Variants in PARD3 observed in about 807,000 individuals in gnomAD.
The protein encoded by PARD3 is par-3 family cell polarity regulator, also known as partitioning defective 3 homolog.
In PARD3, 75 loss-of-function variants were observed where a neutral mutation model predicts 155.4. The ratio of observed to expected loss-of-function variants is 0.48; its 90% confidence interval spans 0.40 to 0.58. PARD3 has a LOEUF of 0.58. Ranked by LOEUF, PARD3 falls within the 20% of genes least tolerant of loss-of-function variation. PARD3 has a pLI of 0.00. For missense variants in PARD3, 1,642 were observed against 1,721.7 expected, an observed-to-expected ratio of 0.95 and a Z score of 0.82; for synonymous variants, 576 against 610.5, an observed-to-expected ratio of 0.94 and a Z score of 0.83.
chr10:34,605,555 A>ATATATC (rs1363176612), intron 2 of PARD3, among the ~76,000 whole-genome samples: 1 of 70,006 alleles, frequency 1.4e-5, no homozygotes, highest in Non-Finnish European at 2.3e-5. Flanking sequence ...ATATATATAT[A>ATATATC]TCTCCTATAT....
At chr10:34,598,432 T>G (rs969802294) in intron 2 of PARD3, among the ~76,000 whole-genome samples, 3 of 152,236 alleles carry the variant, frequency 2.0e-5, no homozygotes, top group Non-Finnish European at 2.9e-5. Context: ...CACCCTTGAC[T>G]TATATATCTT....
At chr10:34,309,896 CA>C (rs552115285) in intron 20 of PARD3, among the ~76,000 whole-genome samples, 1,105 of 95,566 alleles carry the variant, frequency 0.012, 9 homozygotes, top group African/African-American at 0.05. Flanking sequence ...ATCAACCATC[CA>C]AAAAAAAAAA....
intron 2 of PARD3, among the ~76,000 whole-genome samples, chr10:34,642,082 C>A (rs1468694820): frequency 2.0e-5 from 3 of 152,044 alleles, no homozygotes. Context: ...TCACCTGGGG[C>A]CCCTCGCCCT....
intron 19 of PARD3, among the ~76,000 whole-genome samples, chr10:34,321,637 T>C (rs562451289): frequency 6.6e-6 from 1 of 152,356 alleles, no homozygotes; most frequent in African/African-American, 2.4e-5. Context: ...TATTTCTCTT[T>C]AATGTGGCAG....
At chr10:34,494,950 C>T (rs371973639) in intron 3 of PARD3, among the ~76,000 whole-genome samples, 11 of 152,182 alleles carry the variant, frequency 7.2e-5, no homozygotes, top group African/African-American at 2.4e-4. Context: ...TCAGGGAAGA[C>T]CAAGCTCATG....
chr10:34,614,497 C>T (rs2091122198), intron 2 of PARD3, among the ~76,000 whole-genome samples: 1 of 152,176 alleles, frequency 6.6e-6, no homozygotes, highest in Non-Finnish European at 1.5e-5. Flanking sequence ...AACAAGTTAT[C>T]TCATTGGACC....
chr10:34,528,386 C>A (rs1457998591), intron 2 of PARD3, among the ~76,000 whole-genome samples: 1 of 152,156 alleles, frequency 6.6e-6, no homozygotes, highest in African/African-American at 2.4e-5. Flanking sequence ...CTTTATCCTG[C>A]GGTTTGCCAG....
At chr10:34,791,365 C>T (rs1181544911) in intron 1 of PARD3, among the ~76,000 whole-genome samples, 1 of 152,170 alleles carries the variant, frequency 6.6e-6, no homozygotes, top group African/African-American at 2.4e-5. Context: ...GGCTCCAAAG[C>T]TCCCCAGCAT....
intron 2 of PARD3, among the ~76,000 whole-genome samples, chr10:34,529,103 C>T (rs997580430): frequency 1.3e-5 from 2 of 152,136 alleles, no homozygotes; most frequent in African/African-American, 4.8e-5. Context: ...TCAGCCAGTT[C>T]CTGGGACACA....
intron 2 of PARD3, among the ~76,000 whole-genome samples, chr10:34,689,589 C>A (rs950899006): frequency 2.6e-5 from 4 of 152,114 alleles, no homozygotes; most frequent in African/African-American, 4.8e-5. Context: ...ATAAAATTGT[C>A]TAAAGTGTTA....
chr10:34,425,084 C>T (rs921370848), intron 5 of PARD3, among the ~76,000 whole-genome samples: 1 of 151,994 alleles, frequency 6.6e-6, no homozygotes, highest in African/African-American at 2.4e-5. Flanking sequence ...TGACCAAGAC[C>T]ACTTTTTTTT....
At chr10:34,424,481 A>G (rs1005864520) in intron 5 of PARD3, among the ~76,000 whole-genome samples, 6 of 152,156 alleles carry the variant, frequency 3.9e-5, no homozygotes, top group African/African-American at 1.4e-4. Context: ...TTAGTAATTC[A>G]AGTAATCAAG....
chr10:34,226,480 G>A (rs1196752109), intron 22 of PARD3, among the ~76,000 whole-genome samples: 2 of 152,220 alleles, frequency 1.3e-5, no homozygotes, highest in South Asian at 2.1e-4. Flanking sequence ...AATCCAGGGG[G>A]CAGAGGTTGC....
At chr10:34,735,087 C>T (rs899669029) in intron 1 of PARD3, among the ~76,000 whole-genome samples, 22 of 151,488 alleles carry the variant, frequency 1.5e-4, no homozygotes, top group Non-Finnish European at 2.9e-4. Context: ...TTCCCTGGTG[C>T]TAAGGGAAAT....
chr10:34,681,748 ATATATATATATATATATATATTTT>A (rs2093832193), intron 2 of PARD3, among the ~76,000 whole-genome samples: 1 of 15,884 alleles, frequency 6.3e-5, no homozygotes, highest in Non-Finnish European at 1.1e-4. Context: ...ATATATATAT[ATATATATATATATATATATATTTT>A]TTTTTTTTTT....
At chr10:34,678,606 G>T (rs1004742682) in intron 2 of PARD3, among the ~76,000 whole-genome samples, 2 of 151,978 alleles carry the variant, frequency 1.3e-5, no homozygotes. Context: ...TAGTATTGCA[G>T]CATACAGTAA....
At chr10:34,476,584 C>T (rs145853931) in intron 3 of PARD3, among the ~76,000 whole-genome samples, 304 of 152,226 alleles carry the variant, frequency 2.0e-3, no homozygotes, top group African/African-American at 6.6e-3. Flanking sequence ...GGCCTCCATC[C>T]CTAATTTATA....
At chr10:34,486,969 T>C (rs982114614) in intron 3 of PARD3, among the ~76,000 whole-genome samples, 6 of 152,158 alleles carry the variant, frequency 3.9e-5, no homozygotes, top group African/African-American at 1.4e-4. Flanking sequence ...TCTCCAGGCC[T>C]GGCCGTCTCC....
intron 24 of PARD3, among the ~76,000 whole-genome samples, chr10:34,115,692 T>C (rs1203008656): frequency 6.6e-6 from 1 of 151,586 alleles, no homozygotes; most frequent in Non-Finnish European, 1.5e-5. Context: ...AATTATAAAC[T>C]GTCAATTTAT....
Sources: allele counts gnomAD v4.1 joint callset (sites outside exome capture counted in the v4.1 genomes callset), GRCh38; gene constraint gnomAD v4.1.1; transcripts MANE v1.5; gene names NCBI Gene and HGNC (gene_info 2026-07-23, HGNC 2026-07-21).